The following THRB variants were observed in gnomAD, a reference collection of about 807,000 sequenced individuals.
THRB encodes nuclear receptor subfamily 1 group A member 2.
In THRB, 12 loss-of-function variants were observed where a neutral mutation model predicts 47.8. The ratio of observed to expected loss-of-function variants is 0.25; its 90% CI spans 0.16 to 0.41. THRB has a LOEUF of 0.41. Ranked by LOEUF, THRB falls within the 10% of genes least tolerant of loss-of-function variation. The pLI is 1.00. For missense variants in THRB, 348 were observed against 589.2 expected (o/e 0.59, Z 4.24); for synonymous variants, 218 against 212.2 (o/e 1.03, Z -0.24).
At chr3:24,478,556 G>A (rs1695831290) in intron 1 of THRB, among the ~76,000 whole-genome samples, 1 of 151,868 alleles carries the variant, frequency 6.6e-6, no homozygotes, top group South Asian at 2.1e-4. Flanking sequence ...AATGCAGATG[G>A]GGAAAAAAGG....
intron 1 of THRB, among the ~76,000 whole-genome samples, chr3:24,443,706 T>C (rs554932894): frequency 6.6e-6 from 1 of 152,176 alleles, no homozygotes; most frequent in Non-Finnish European, 1.5e-5. Context: ...GCAAAACTTA[T>C]GCAATAATTC....
At chr3:24,489,849 T>C (rs1697876443) in intron 1 of THRB, among the ~76,000 whole-genome samples, 1 of 152,138 alleles carries the variant, frequency 6.6e-6, no homozygotes, top group South Asian at 2.1e-4. Context: ...ATGCCAAAAT[T>C]GACTAACAAG....
At chr3:24,466,268 T>C (rs1560256996) in intron 1 of THRB, among the ~76,000 whole-genome samples, 1 of 152,176 alleles carries the variant, frequency 6.6e-6, no homozygotes, top group Non-Finnish European at 1.5e-5. Flanking sequence ...TTTTTTCCTC[T>C]TATTTACCAT....
chr3:24,212,823 G>C (rs2046197833), intron 4 of THRB, among the ~76,000 whole-genome samples: 1 of 152,170 alleles, frequency 6.6e-6, no homozygotes, highest in Admixed American at 6.5e-5. Context: ...CCTCATTTCA[G>C]TTACTGGATT....
chr3:24,420,028 T>C (rs1481860953), intron 1 of THRB, among the ~76,000 whole-genome samples: 6 of 151,868 alleles, frequency 4.0e-5, no homozygotes, highest in African/African-American at 1.4e-4. Flanking sequence ...AACCTGTTTA[T>C]CTATAAAGCG....
intron 1 of THRB, among the ~76,000 whole-genome samples, chr3:24,374,577 A>T (rs941265960): frequency 6.6e-6 from 1 of 152,166 alleles, no homozygotes; most frequent in African/African-American, 2.4e-5. Context: ...TATCTTTAAA[A>T]TATTCAAACC....
chr3:24,257,583 T>C (rs2051429599), intron 3 of THRB, among the ~76,000 whole-genome samples: 1 of 152,214 alleles, frequency 6.6e-6, no homozygotes, highest in African/African-American at 2.4e-5. Flanking sequence ...AGATAATAAA[T>C]ATTTTAGGAT....
At chr3:24,172,288 T>C (rs1380244866) in intron 5 of THRB, among the ~76,000 whole-genome samples, 1 of 151,794 alleles carries the variant, frequency 6.6e-6, no homozygotes, top group African/African-American at 2.4e-5. Flanking sequence ...GGAGTGTCCT[T>C]TTTAGGGTCT....
intron 2 of THRB, among the ~76,000 whole-genome samples, chr3:24,332,782 C>T (rs2062005392): frequency 1.3e-5 from 2 of 152,134 alleles, no homozygotes; most frequent in South Asian, 2.1e-4. Context: ...ACGGGCTGGG[C>T]GCAGTGGCTC....
At chr3:24,246,938 A>G (rs1411790768) in intron 3 of THRB, among the ~76,000 whole-genome samples, 2 of 152,208 alleles carry the variant, frequency 1.3e-5, no homozygotes, top group African/African-American at 4.8e-5. Flanking sequence ...TTTCAGAAAA[A>G]AATTCATGTA....
At chr3:24,373,949 T>TC (rs1024085836) in intron 1 of THRB, among the ~76,000 whole-genome samples, 2 of 151,606 alleles carry the variant, frequency 1.3e-5, no homozygotes, top group Admixed American at 1.3e-4. Flanking sequence ...GTACATCATT[T>TC]CCCTTTTTTT....
chr3:24,348,310 G>T (rs1340966898), intron 1 of THRB, among the ~76,000 whole-genome samples: 2 of 152,104 alleles, frequency 1.3e-5, no homozygotes, highest in Non-Finnish European at 2.9e-5. Context: ...GAAAATGCCT[G>T]AACAGCCCTA....
intron 2 of THRB, among the ~76,000 whole-genome samples, chr3:24,324,402 A>G (rs2058679917): frequency 6.6e-6 from 1 of 152,134 alleles, no homozygotes; most frequent in South Asian, 2.1e-4. Flanking sequence ...TTGGAAATTT[A>G]TCTTTTTACT....
At chr3:24,195,973 T>C (rs548708144) in intron 4 of THRB, among the ~76,000 whole-genome samples, 1 of 152,358 alleles carries the variant, frequency 6.6e-6, no homozygotes, top group East Asian at 1.9e-4. Context: ...AATGTAAGCA[T>C]GACAGAAATA....
chr3:24,333,886 C>T (rs988352099), intron 2 of THRB, among the ~76,000 whole-genome samples: 36 of 152,336 alleles, frequency 2.4e-4, no homozygotes, highest in African/African-American at 8.4e-4. Flanking sequence ...ATCCTTCCTT[C>T]TCCAGCTCCA....
At chr3:24,436,520 G>A (rs868760820) in intron 1 of THRB, among the ~76,000 whole-genome samples, 20 of 152,052 alleles carry the variant, frequency 1.3e-4, no homozygotes, top group East Asian at 3.9e-4. Context: ...TCTCAAGTTC[G>A]AAAAAGTGTA....
chr3:24,291,997 A>G (rs1457206274), intron 3 of THRB, among the ~76,000 whole-genome samples: 2 of 152,202 alleles, frequency 1.3e-5, no homozygotes, highest in Non-Finnish European at 2.9e-5. Flanking sequence ...GACTCAGTAA[A>G]TAAATTTTGG....
rs143269389 is a variant in THRB, at chr3:24,263,871, A to C, written c.-43+33355T>G. ...TTAATGGACAGTTGATACTACATGT[A>C]ATAAGTACACAAGTCCTATGTCATC... On this transcript the variant is annotated intron_variant, in intron 3 of 10. Coordinates refer to ENST00000646209, the MANE Select transcript of THRB (RefSeq NM_001354712.2). 2.3e-3 allele frequency among the ~76,000 whole-genome samples: 356 copies of C among 152,334 alleles called. 1 individual carries two copies. The highest frequency in any genetic ancestry group is 8.2e-3 in the African/African-American group (343 of 41,596).
rs67541584 is a variant in THRB at position 24,417,095 on chromosome 3, AACACAC to A, written c.-261+77551_-261+77556del. Among the ~76,000 whole-genome samples the A allele has an allele frequency of 7.7e-3, 1,039 of 135,664 alleles. 8 individuals carry two copies. Among genetic ancestry groups the A allele is most frequent in the African/African-American group, 0.024 (900 of 37,534 alleles). The allele number at this position is 135,664 out of a possible 152,430, so 89.0% of individuals were successfully genotyped here. A position where few individuals can be genotyped will look rare whatever the true frequency, so the allele number is the denominator to read the frequency against. The stretch of plus-strand genomic sequence containing the variant: ...CCATTGACTCATGAAATTTTAAACC[AACACAC>A]ACACACACACACACACACACACACA... On this transcript the variant is annotated intron_variant, in intron 1 of 10. Transcript: ENST00000646209.
Sources: allele counts gnomAD v4.1 joint callset (sites outside exome capture counted in the v4.1 genomes callset), GRCh38; gene constraint gnomAD v4.1.1; transcripts MANE v1.5; gene names NCBI Gene and HGNC (gene_info 2026-07-23, HGNC 2026-07-21).